Variants in PLCL1 observed in about 807,000 individuals in gnomAD.
The protein encoded by PLCL1 is phospholipase C like 1 (inactive).
In PLCL1, 41 loss-of-function variants were observed where a neutral mutation model predicts 84.4. The ratio of observed to expected loss-of-function variants is 0.49; its 90% CI spans 0.38 to 0.63. The LOEUF is 0.63. PLCL1 is among the 30% of genes least tolerant of loss of function. PLCL1 has a pLI of 0.00. For synonymous variants in PLCL1, 490 were observed against 488.3 expected (o/e 1.00, Z -0.05); for missense variants, 1,206 against 1,367.8 (o/e 0.88, Z 1.87).
At chr2:197,877,223 G>T (rs866813928) in intron 1 of PLCL1, among the ~76,000 whole-genome samples, 37 of 152,034 alleles carry the variant, frequency 2.4e-4, no homozygotes, top group African/African-American at 8.7e-4. Context: ...TTTTATAATT[G>T]CTGATGAGTC....
chr2:198,088,818 A>T (rs1692948089), intron 2 of PLCL1, 40 bp from the exon 3 acceptor site: 1 of 1,170,478 alleles, frequency 8.5e-7, no homozygotes, highest in Admixed American at 1.7e-5. Context: ...GTGATGTGTC[A>T]GGTGGTCAGA....
intron 1 of PLCL1, among the ~76,000 whole-genome samples, chr2:197,920,373 G>C (rs1688679711): frequency 6.6e-6 from 1 of 151,788 alleles, no homozygotes; most frequent in South Asian, 2.1e-4. Context: ...TGCTACATCA[G>C]TGACAAGCAG....
chr2:198,068,967 G>A (rs1438772533), intron 1 of PLCL1, among the ~76,000 whole-genome samples: 5 of 152,040 alleles, frequency 3.3e-5, no homozygotes, highest in East Asian at 1.9e-4. Context: ...CCCAGGAGGC[G>A]GAGGTTGCAG....
rs200198349 is a variant in PLCL1, at chr2:197,899,635, C to CTTTTTT, written c.240+94299_240+94300insTTTTTT. On this transcript the variant is annotated intron_variant, in intron 1 of 5. Transcript: ENST00000428675. ...CAGGGCCTTGGCACATGAGTTCTTT[C>CTTTTTT]TTTCTTTTTTTTTTTTTTGAGACGG... Among the ~76,000 whole-genome samples, 5 of 139,182 alleles carry CTTTTTT rather than the reference C, an allele frequency of 3.6e-5. 1 individual carries two copies. The highest frequency in any genetic ancestry group is 2.7e-5 in the African/African-American group (1 of 36,978). The allele number at this position is 139,182 out of a possible 152,430, so 91.3% of individuals were successfully genotyped here. A position where few individuals can be genotyped will look rare whatever the true frequency, so the allele number is the denominator to read the frequency against.
chr2:197,988,680 A>G (rs1427138231), intron 1 of PLCL1, among the ~76,000 whole-genome samples: 1 of 152,294 alleles, frequency 6.6e-6, no homozygotes, highest in South Asian at 2.1e-4. Context: ...GCTGCAATAA[A>G]CATTTGTGTG....
At position 197,867,612 on chromosome 2, in the gene PLCL1, G is replaced by A. The variant is rs538603247; in HGVS notation, c.240+62273G>A. On this transcript the variant is annotated intron_variant, in intron 1 of 5. Coordinates refer to ENST00000428675, the MANE Select transcript of PLCL1 (RefSeq NM_006226.4). ...ATCTTGTGAATGAGAACTTTCATATGCTAAGGAAATCTCTTCCAGCCTTAA... is the reference window on the plus strand; with the variant it reads ...ATCTTGTGAATGAGAACTTTCATATACTAAGGAAATCTCTTCCAGCCTTAA... Among the ~76,000 whole-genome samples the A allele has an allele frequency of 4.6e-5, 7 of 152,192 alleles. No homozygotes were observed. In the South Asian group the frequency reaches 1.5e-3, roughly 32 times the overall value.
At chr2:197,922,507 C>G (rs1400322471) in intron 1 of PLCL1, among the ~76,000 whole-genome samples, 1 of 117,456 alleles carries the variant, frequency 8.5e-6, no homozygotes, top group Non-Finnish European at 1.9e-5. Context: ...CATCCTGGCC[C>G]GTTCTCAATG....
In PLCL1 at chr2:198,033,943, C is replaced by T. The variant is rs77849904; in HGVS notation, c.241-49815C>T. ...TGTGTGTGTGTCTGTATGTGGTGCA[C>T]ACGTTTCTGTTTTTATTTTTTTATT... On this transcript the variant is annotated intron_variant, in intron 1 of 5. Transcript: ENST00000428675. Among the ~76,000 whole-genome samples, 13 of 152,090 alleles carry T rather than the reference C, an allele frequency of 8.5e-5. No homozygotes were observed. The East Asian group carries it at 2.3e-3, about 27-fold the overall frequency.
chr2:197,857,813 T>C (rs1687357379), intron 1 of PLCL1, among the ~76,000 whole-genome samples: 1 of 151,854 alleles, frequency 6.6e-6, no homozygotes, highest in African/African-American at 2.4e-5. Context: ...GGGCATAAAA[T>C]AGGTAGGCAA....
At chr2:198,143,304 A>G (rs1182715261) in intron 5 of PLCL1, among the ~76,000 whole-genome samples, 1 of 152,156 alleles carries the variant, frequency 6.6e-6, no homozygotes, top group East Asian at 1.9e-4. Flanking sequence ...TGAGAATCTA[A>G]TGTCGCTGCT....
intron 1 of PLCL1, among the ~76,000 whole-genome samples, chr2:198,068,953 T>C (rs886601430): frequency 6.6e-6 from 1 of 152,018 alleles, no homozygotes; most frequent in East Asian, 1.9e-4. Flanking sequence ...GAGAATGGCG[T>C]GAACCCAGGA....
At chr2:197,900,751 A>G (rs1324254588) in intron 1 of PLCL1, among the ~76,000 whole-genome samples, 2 of 152,254 alleles carry the variant, frequency 1.3e-5, no homozygotes, top group East Asian at 3.8e-4. Flanking sequence ...AAGGGTTGTC[A>G]TAAATAATGT....
chr2:197,945,675 A>G (rs75349519), intron 1 of PLCL1, among the ~76,000 whole-genome samples: 1 of 152,254 alleles, frequency 6.6e-6, no homozygotes, highest in Non-Finnish European at 1.5e-5. Context: ...TCTCATCTTT[A>G]AAATTAAGAT....
At chr2:197,953,085 AT>A (rs1404449689) in intron 1 of PLCL1, among the ~76,000 whole-genome samples, 1 of 152,042 alleles carries the variant, frequency 6.6e-6, no homozygotes, top group East Asian at 1.9e-4. Context: ...ATTGAATTCA[AT>A]TTTGAGAACA....
intron 1 of PLCL1, among the ~76,000 whole-genome samples, chr2:197,977,005 A>C (rs7587043): frequency 0.41 from 62,786 of 151,854 alleles, 13,589 homozygotes; most frequent in Middle Eastern, 0.58. Context: ...TTGGTCTGCC[A>C]TTTGAGCTCA....
chr2:198,108,821 T>C (rs1244364415), intron 5 of PLCL1, among the ~76,000 whole-genome samples: 8 of 151,934 alleles, frequency 5.3e-5, no homozygotes, highest in African/African-American at 1.9e-4. Flanking sequence ...GCGTATCTTT[T>C]GCATTTTTCC....
intron 1 of PLCL1, among the ~76,000 whole-genome samples, chr2:197,967,221 G>A (rs995305391): frequency 6.6e-6 from 1 of 151,818 alleles, no homozygotes; most frequent in African/African-American, 2.4e-5. Context: ...TTTTGGAATG[G>A]AGTCTTGCTC....
chr2:197,883,894 G>A (rs1687873253), intron 1 of PLCL1, among the ~76,000 whole-genome samples: 1 of 152,126 alleles, frequency 6.6e-6, no homozygotes, highest in African/African-American at 2.4e-5. Flanking sequence ...TGGCTCTGGT[G>A]CCTTTTTTCT....
At chr2:197,926,845 G>T (rs896471055) in intron 1 of PLCL1, among the ~76,000 whole-genome samples, 1 of 152,070 alleles carries the variant, frequency 6.6e-6, no homozygotes, top group East Asian at 1.9e-4. Context: ...ACTCGTTTGG[G>T]TTTGGCATGA....
Sources: allele counts gnomAD v4.1 joint callset (sites outside exome capture counted in the v4.1 genomes callset), GRCh38; gene constraint gnomAD v4.1.1; transcripts MANE v1.5; gene names NCBI Gene and HGNC (gene_info 2026-07-23, HGNC 2026-07-21).